Variants in COBL observed in about 807,000 individuals in gnomAD.
The protein encoded by COBL is cordon-bleu WH2 repeat protein.
A neutral mutation model predicts 98.8 loss-of-function variants in COBL; 51 were observed. The ratio of observed to expected loss-of-function variants is 0.52; its 90% CI spans 0.41 to 0.65. COBL has a LOEUF of 0.65. COBL is among the 30% of genes least tolerant of loss of function. COBL has a pLI of 0.00. For missense variants in COBL, 1,617 were observed against 1,617.5 expected, an observed-to-expected ratio of 1.00 and a Z score of 0.01; for synonymous variants, 634 against 651.7, an observed-to-expected ratio of 0.97 and a Z score of 0.41.
At chr7:51,171,043 T>C (rs931521865) in intron 5 of COBL, among the ~76,000 whole-genome samples, 1 of 152,128 alleles carries the variant, frequency 6.6e-6, no homozygotes, top group African/African-American at 2.4e-5. Context: ...ACAATGATTA[T>C]GAATCAATTA....
chr7:51,269,442 G>T (rs1394792663), intron 1 of COBL, among the ~76,000 whole-genome samples: 1 of 152,218 alleles, frequency 6.6e-6, no homozygotes, highest in East Asian at 1.9e-4. Flanking sequence ...ACAGGGTCCA[G>T]ACGCAACTGC....
At chr7:51,288,999 G>A (rs536765660) in intron 1 of COBL, among the ~76,000 whole-genome samples, 5 of 152,154 alleles carry the variant, frequency 3.3e-5, no homozygotes, top group African/African-American at 9.6e-5. Flanking sequence ...GGGCCAAAAC[G>A]TCTTGTTTCC....
intron 2 of COBL, among the ~76,000 whole-genome samples, chr7:51,211,938 A>T (rs534573308): frequency 6.6e-6 from 1 of 152,106 alleles, no homozygotes; most frequent in Non-Finnish European, 1.5e-5. Context: ...CTCAGGTTCA[A>T]TGGAAGGATA....
At chr7:51,125,464 C>T (rs1798110939) in intron 6 of COBL, among the ~76,000 whole-genome samples, 1 of 152,188 alleles carries the variant, frequency 6.6e-6, no homozygotes, top group Admixed American at 6.5e-5. Flanking sequence ...CCCTAGAAAA[C>T]TTACACACCC....
chr7:51,034,277 G>A (rs1788419960), intron 8 of COBL: 1 of 152,394 alleles, frequency 6.6e-6, no homozygotes, highest in South Asian at 2.1e-4. Flanking sequence ...CATGAGCTAG[G>A]AGCTCCCAGC....
chr7:51,067,453 T>C (rs758181591), intron 7 of COBL, among the ~76,000 whole-genome samples: 1 of 152,240 alleles, frequency 6.6e-6, no homozygotes, highest in Non-Finnish European at 1.5e-5. Flanking sequence ...TGGGTATGCA[T>C]ACATGCACTG....
intron 1 of COBL, among the ~76,000 whole-genome samples, chr7:51,290,673 T>C (rs1934706257): frequency 6.6e-6 from 1 of 152,092 alleles, no homozygotes; most frequent in Non-Finnish European, 1.5e-5. Flanking sequence ...AACCTCAGCC[T>C]CGGCCCCTCC....
Position 51,028,789 on chromosome 7 carries a change from C to T in COBL, c.2307G>A (p.Glu769=). 3 of 1,614,236 alleles carry T rather than the reference C, an allele frequency of 1.9e-6. No homozygotes were observed. The highest frequency in any genetic ancestry group is 2.5e-6 in the Non-Finnish European group (3 of 1,180,042). The change falls in exon 10 of 13, where the codon GAG becomes GAA. Residue 769 remains glutamate, a synonymous_variant. Transcript: ENST00000265136. The part of the protein sequence containing the change: ...AESQPIGKVR[E]FWRCNSVEKH... ...TTTCCACAGAGTTGCACCTCCAGAA[C>T]TCTCTGACTTTCCCAATGGGCTGAG...
intron 1 of COBL, among the ~76,000 whole-genome samples, chr7:51,252,394 G>A: frequency 6.6e-6 from 1 of 151,842 alleles, no homozygotes; most frequent in African/African-American, 2.4e-5. Flanking sequence ...AATCTCCCCA[G>A]CCCTAGACAA....
intron 1 of COBL, among the ~76,000 whole-genome samples, chr7:51,244,212 T>C (rs894989560): frequency 6.6e-6 from 1 of 152,082 alleles, no homozygotes; most frequent in Non-Finnish European, 1.5e-5. Context: ...CACTGCAAAA[T>C]GTAAACACAA....
At chr7:51,068,394 T>G (rs544254877) in intron 7 of COBL, among the ~76,000 whole-genome samples, 1 of 152,348 alleles carries the variant, frequency 6.6e-6, no homozygotes, top group African/African-American at 2.4e-5. Context: ...ACACTTAATG[T>G]TCTCCTTTTA....
rs766191048 is a variant in COBL, at chr7:51,028,157, T to C, written c.2939A>G (p.Gln980Arg). 8.7e-6 allele frequency: 14 copies of C among 1,614,138 alleles called. No homozygotes were observed. The African/African-American group carries it at 1.7e-4, about 20-fold the overall frequency. The part of the protein sequence containing the change: ...IHRSSCFSLV[Q>R]SSQRDRVSVG... ...AGAAACACGATCCCTCTGGGAAGAC[T>C]GAACCAGTGAGAAACAGGAGCTTCT... The change falls in exon 10 of 13, where the codon CAG becomes CGG. Residue 980 changes from glutamine to arginine, a missense_variant. By Grantham distance (43) the Gln-to-Arg change is conservative. This residue lies in a region of COBL where 1,304 missense variants were observed against 1,282.0 expected (regional missense o/e 1.02). Coordinates refer to ENST00000265136, the MANE Select transcript of COBL (RefSeq NM_015198.5).
intron 1 of COBL, among the ~76,000 whole-genome samples, chr7:51,256,039 G>A (rs1206752220): frequency 6.6e-6 from 1 of 152,100 alleles, no homozygotes; most frequent in Non-Finnish European, 1.5e-5. Flanking sequence ...ACACACCCAT[G>A]CTTAAAGGAT....
chr7:51,163,785 AAAT>A (rs1787041807), intron 5 of COBL, among the ~76,000 whole-genome samples: 2 of 152,332 alleles, frequency 1.3e-5, no homozygotes, highest in Non-Finnish European at 2.9e-5. Flanking sequence ...CTGTTGTTAC[AAAT>A]AATGCCACAA....
intron 5 of COBL, among the ~76,000 whole-genome samples, chr7:51,168,198 G>A (rs919543441): frequency 6.6e-6 from 1 of 152,136 alleles, no homozygotes; most frequent in African/African-American, 2.4e-5. Flanking sequence ...TATATAAGGA[G>A]CTCAAACAAC....
At chr7:51,109,408 T>C (rs998162333) in intron 6 of COBL, among the ~76,000 whole-genome samples, 4 of 152,166 alleles carry the variant, frequency 2.6e-5, no homozygotes, top group Non-Finnish European at 4.4e-5. Context: ...GGATAATCTT[T>C]AAAGGTTGGA....
intron 5 of COBL, among the ~76,000 whole-genome samples, chr7:51,159,999 T>C (rs1212708496): frequency 6.6e-6 from 1 of 152,168 alleles, no homozygotes; most frequent in Non-Finnish European, 1.5e-5. Flanking sequence ...TTCAAGTGAT[T>C]CTCCTGCCTC....
chr7:51,168,860 G>C (rs927080545), intron 5 of COBL, among the ~76,000 whole-genome samples: 2 of 152,182 alleles, frequency 1.3e-5, no homozygotes, highest in Admixed American at 6.5e-5. Context: ...TAAGACCTAA[G>C]TGTCCATCAG....
In COBL at chr7:51,268,100, TC is replaced by T. The variant is rs199868065; in HGVS notation, c.42-48157del. Among the ~76,000 whole-genome samples the T allele has an allele frequency of 6.3e-3, 952 of 152,254 alleles. 14 individuals carry two copies. The highest frequency in any genetic ancestry group is 0.022 in the African/African-American group (897 of 41,554). Reference sequence around the variant, plus strand: ...TCCCTCCTGCCCTGCAGGCGCTGTGTCCGCTGCGGGTGTCCTCAGTTCCACG... The same window carrying T: ...TCCCTCCTGCCCTGCAGGCGCTGTGTCGCTGCGGGTGTCCTCAGTTCCACG... On this transcript the variant is annotated intron_variant, in intron 1 of 12. Coordinates refer to ENST00000265136, the MANE Select transcript of COBL (RefSeq NM_015198.5).
Sources: allele counts gnomAD v4.1 joint callset (sites outside exome capture counted in the v4.1 genomes callset), GRCh38; gene constraint gnomAD v4.1.1; regional missense constraint gnomAD v4.1.1; transcripts MANE v1.5; gene names NCBI Gene and HGNC (gene_info 2026-07-23, HGNC 2026-07-21).